Variants in COL12A1 observed in about 807,000 individuals in gnomAD.
COL12A1 encodes collagen alpha-1(XII) chain.
In COL12A1, 114 loss-of-function variants were observed where a neutral mutation model predicts 349.7. The observed-to-expected ratio is 0.33, with a 90% CI of 0.28 to 0.38. The LOEUF is 0.38. COL12A1 is among the 10% of genes least tolerant of loss of function. The pLI, the probability that COL12A1 is intolerant of heterozygous loss-of-function variation, is 1.00. For missense variants in COL12A1, 3,284 were observed against 3,756.9 expected, an observed-to-expected ratio of 0.87 and a Z score of 3.29; for synonymous variants, 1,369 against 1,329.0, an observed-to-expected ratio of 1.03 and a Z score of -0.66.
At chr6:75,106,863 T>G (rs1466746343) in intron 52 of COL12A1, among the ~76,000 whole-genome samples, 2 of 150,974 alleles carry the variant, frequency 1.3e-5, no homozygotes, top group African/African-American at 4.9e-5. Context: ...CACTTGTTTG[T>G]TAGGTATTTT....
intron 27 of COL12A1, among the ~76,000 whole-genome samples, chr6:75,140,077 T>G (rs1354621300): frequency 1.3e-5 from 2 of 152,204 alleles, no homozygotes; most frequent in Non-Finnish European, 2.9e-5. Context: ...GAAAATTATT[T>G]GGAAATCTTA....
rs778035192 is a variant in COL12A1 at position 75,137,556 on chromosome 6, G to C, written c.5275C>G (p.Leu1759Val). The C allele has an allele frequency of 7.4e-6, 12 of 1,613,716 alleles. No individual in the cohort carries two copies. Among genetic ancestry groups the C allele is most frequent in the Non-Finnish European group, 1.0e-5 (12 of 1,179,848 alleles). ...TQAPKSGPRNLQVYNATSNSL... is the reference protein window; with the variant it reads ...TQAPKSGPRNVQVYNATSNSL... ...TTAGATGTTGCATTGTACACTTGAA[G>C]GTTTCGTGGGCCACTTTTGGGAGCT... Residue 1759 changes from leucine to valine, a missense_variant, in exon 31 of 66, where the codon CTT (leucine) becomes GTT (valine). This residue lies in a region of COL12A1 where 2,601 missense variants were observed against 2,824.8 expected (regional missense o/e 0.92). Coordinates refer to ENST00000322507, the MANE Select transcript of COL12A1 (RefSeq NM_004370.6).
rs672648 is a variant in COL12A1, at chr6:75,089,006, C to A, written c.9010+100G>T. On this transcript the variant is annotated intron_variant, in intron 64 of 65. Transcript: ENST00000322507. ...ACAGAGCAAGACTCCGTCTCAAAAA[C>A]AAAAAAAAGAATAACAGGATGAAGT... 0.69 allele frequency: 535,051 copies of A among 779,600 alleles called. 151,803 individuals carry two copies. Among genetic ancestry groups the A allele is most frequent in the African/African-American group, 0.9 (48,264 of 53,482 alleles). The allele number at this position is 779,600 out of a possible 1,614,324, so 48.3% of individuals were successfully genotyped here.
chr6:75,100,976 T>G (rs1768277710), intron 58 of COL12A1, among the ~76,000 whole-genome samples: 1 of 152,220 alleles, frequency 6.6e-6, no homozygotes, highest in Admixed American at 6.5e-5. Context: ...TATTTCACAT[T>G]ATTGATGAAC....
intron 59 of COL12A1, among the ~76,000 whole-genome samples, chr6:75,096,754 G>A (rs1328272398): frequency 1.3e-5 from 2 of 151,916 alleles, no homozygotes; most frequent in African/African-American, 4.8e-5. Context: ...AAATTAGCCG[G>A]GCGTAGTGGC....
intron 2 of COL12A1, among the ~76,000 whole-genome samples, chr6:75,201,785 A>C (rs1223993306): frequency 3.3e-5 from 5 of 152,238 alleles, no homozygotes; most frequent in Admixed American, 3.3e-4. Flanking sequence ...TGAGAAATTA[A>C]GACATCAAGT....
chr6:75,165,733 T>C lies in COL12A1; in HGVS notation c.2757A>G (p.Thr919=). Reference sequence around the variant, plus strand: ...CAGATGTCCAATAAGCCCCAATTGATGTGTCAGTGATGTCTTTAGTAACTA... The same window carrying C: ...CAGATGTCCAATAAGCCCCAATTGACGTGTCAGTGATGTCTTTAGTAACTA... ...QDLVTKDITD[T]SIGAYWTSAP... Residue 919 remains threonine, a synonymous_variant, in exon 14 of 66, where the codon ACA becomes ACG. Transcript: ENST00000322507. 2.5e-6 allele frequency: 4 copies of C among 1,614,008 alleles called. No individual in the cohort carries two copies. The highest frequency in any genetic ancestry group is 3.4e-6 in the Non-Finnish European group (4 of 1,179,904).
rs758265475 is a variant in COL12A1 at position 75,165,717 on chromosome 6, A to AAT, written c.2771_2772dup (p.Trp925IlefsTer38). The AAT allele has an allele frequency of 6.2e-7, 1 of 1,614,046 alleles. No homozygotes were observed. The highest frequency in any genetic ancestry group is 8.5e-7 in the Non-Finnish European group (1 of 1,179,934). On this transcript the variant is annotated frameshift_variant, in exon 14 of 66. Coordinates refer to ENST00000322507, the MANE Select transcript of COL12A1 (RefSeq NM_004370.6). LOFTEE classifies it high-confidence loss of function. Reference sequence around the variant, plus strand: ...CGAACCATTCCTGGAGCAGATGTCCAATAAGCCCCAATTGATGTGTCAGTG... The same window carrying AAT: ...CGAACCATTCCTGGAGCAGATGTCCAATATAAGCCCCAATTGATGTGTCAGTG...
intron 1 of COL12A1, among the ~76,000 whole-genome samples, chr6:75,204,701 C>A (rs941002587): frequency 1.3e-5 from 2 of 152,034 alleles, no homozygotes; most frequent in South Asian, 4.2e-4. Flanking sequence ...TGGACTCGTC[C>A]CCTTCTGCCA....
intron 1 of COL12A1, among the ~76,000 whole-genome samples, chr6:75,205,047 G>T (rs1356962263): frequency 6.6e-6 from 1 of 151,740 alleles, no homozygotes; most frequent in African/African-American, 2.4e-5. Context: ...GGCGACCCAC[G>T]CTTTCTGATC....
chr6:75,191,836 A>C, intron 4 of COL12A1, 76 bp from the exon 5 acceptor site: 5 of 908,910 alleles, frequency 5.5e-6, no homozygotes, highest in African/African-American at 1.8e-5. Flanking sequence ...TAAATATATT[A>C]TATTAGTTTT....
At chr6:75,091,656 A>G (rs1767772850) in intron 60 of COL12A1, 131 bp from the exon 61 acceptor site, 1 of 819,382 alleles carries the variant, frequency 1.2e-6, no homozygotes, top group African/African-American at 1.7e-5. Context: ...TCACATTTAT[A>G]TCCATGTTAC....
At chr6:75,188,656 A>C in intron 7 of COL12A1, 121 bp from the exon 8 acceptor site, 2 of 1,102,668 alleles carry the variant, frequency 1.8e-6, no homozygotes. Flanking sequence ...TTAAGTCATA[A>C]GCCAGAATTG....
chr6:75,154,866 C>T (rs1238541282), intron 16 of COL12A1, among the ~76,000 whole-genome samples: 1 of 152,116 alleles, frequency 6.6e-6, no homozygotes, highest in Non-Finnish European at 1.5e-5. Context: ...TTTAATCTTA[C>T]TGTTTCTAAG....
rs35523808 is a variant in COL12A1, at chr6:75,125,255, T to A, written c.6479A>T (p.Glu2160Val). 70,185 of 1,607,394 alleles carry A rather than the reference T, an allele frequency of 0.044. 1,864 individuals are homozygous for A. Among genetic ancestry groups the A allele is most frequent in the Non-Finnish European group, 0.051 (60,519 of 1,176,756 alleles). Residue 2160 changes from glutamate (E) to valine (V), a missense_variant, in exon 40 of 66, where the codon GAA (glutamate) becomes GTA (valine). This residue lies in a region of COL12A1 where 2,601 missense variants were observed against 2,824.8 expected (regional missense o/e 0.92). Transcript: ENST00000322507. Reference protein sequence around the residue: ...YKPVGSNEPMEAFVGEMTSYT... With the variant: ...YKPVGSNEPMVAFVGEMTSYT... The stretch of plus-strand genomic sequence containing the variant: ...TGATGTCATTTCTCCAACAAAGGCT[T>A]CCATGGGCTCATTGGAACCTTTATT...
Position 75,143,346 on chromosome 6 carries a change from G to C in COL12A1, c.4733C>G (p.Thr1578Ser). The C allele has an allele frequency of 6.2e-7, 1 of 1,613,840 alleles. No homozygotes were observed. Among genetic ancestry groups the C allele is most frequent in the Non-Finnish European group, 8.5e-7 (1 of 1,179,910 alleles). Residue 1578 changes from threonine to serine, a missense_variant, in exon 26 of 66, where the codon ACT (threonine) becomes AGT (serine). Thr to Ser is a moderately conservative substitution (Grantham distance 58). This residue lies in a region of COL12A1 where 2,601 missense variants were observed against 2,824.8 expected (regional missense o/e 0.92). Coordinates refer to ENST00000322507, the MANE Select transcript of COL12A1 (RefSeq NM_004370.6). ...CCAAAAGACATTCATAGTGCTGTGAGTCACATCTCTGAGTTTCAGATCCTG... is the reference window on the plus strand; with the variant it reads ...CCAAAAGACATTCATAGTGCTGTGACTCACATCTCTGAGTTTCAGATCCTG... ...RPQDLKLRDV[T>S]HSTMNVFWEP... is the part of the protein sequence containing the mutation.
chr6:75,174,481 T>C (rs141945714), intron 13 of COL12A1, among the ~76,000 whole-genome samples: 1,821 of 152,018 alleles, frequency 0.012, 34 homozygotes, highest in African/African-American at 0.042. Flanking sequence ...GCGTGAACCA[T>C]AGAGGCAGAG....
At chr6:75,173,842 T>C (rs138020783) in intron 13 of COL12A1, among the ~76,000 whole-genome samples, 269 of 152,358 alleles carry the variant, frequency 1.8e-3, no homozygotes, top group African/African-American at 6.2e-3. Context: ...TTAGTCACTG[T>C]GATTTCATAT....
chr6:75,098,592 A>G (rs950971703), intron 58 of COL12A1, among the ~76,000 whole-genome samples: 1 of 152,166 alleles, frequency 6.6e-6, no homozygotes, highest in African/African-American at 2.4e-5. Context: ...CCGAGAGGTC[A>G]GGGCTGCAGT....
Sources: allele counts gnomAD v4.1 joint callset (sites outside exome capture counted in the v4.1 genomes callset), GRCh38; gene constraint gnomAD v4.1.1; regional missense constraint gnomAD v4.1.1; transcripts MANE v1.5; gene names NCBI Gene and HGNC (gene_info 2026-07-23, HGNC 2026-07-21).